DSCAML1: variants seen among roughly 807,000 people sequenced by gnomAD.
DSCAML1 encodes the protein cell adhesion molecule DSCAML1.
Under a neutral mutation model 200.5 loss-of-function variants are expected in DSCAML1, and 38 were observed. That is an observed-to-expected ratio of 0.19 (90% CI 0.15 to 0.25). The LOEUF is 0.25. Among genes scored for constraint, DSCAML1 ranks in the 10% least tolerant of loss-of-function variants. DSCAML1 has a pLI of 1.00. For missense variants in DSCAML1, 2,223 were observed against 2,858.8 expected, an observed-to-expected ratio of 0.78 and a Z score of 5.07; for synonymous variants, 1,215 against 1,165.0, an observed-to-expected ratio of 1.04 and a Z score of -0.87.
Position 117,566,333 on chromosome 11 carries a change from C to T in DSCAML1, c.512-33811G>A, listed in dbSNP as rs1161650909. Among the ~76,000 whole-genome samples the T allele has an allele frequency of 3.5e-5, 5 of 143,152 alleles. No individual in the cohort carries two copies. In the East Asian group the frequency reaches 1.0e-3, roughly 29 times the overall value. The allele number at this position is 143,152 out of a possible 152,430, so 93.9% of individuals were successfully genotyped here. A position where few individuals can be genotyped will look rare whatever the true frequency, so the allele number is the denominator to read the frequency against. On this transcript the variant is annotated intron_variant, in intron 3 of 32. Transcript: ENST00000651296. ...TCTTTCTGTCTCTCTTTCTCCCTTT[C>T]TTTTCTTTCTCTCTCTCTCTCTCTT... is the stretch of plus-strand genomic sequence containing the variant.
intron 1 of DSCAML1, among the ~76,000 whole-genome samples, chr11:117,791,156 C>T (rs2055458719): frequency 6.6e-6 from 1 of 152,132 alleles, no homozygotes; most frequent in Non-Finnish European, 1.5e-5. Flanking sequence ...CTGTGGAGCC[C>T]ACAGCCTCCC....
rs760997576 is a variant in DSCAML1 at position 117,693,407 on chromosome 11, T to C, written c.511+83384A>G. On this transcript the variant is annotated intron_variant, in intron 3 of 32. Coordinates refer to ENST00000651296, the MANE Select transcript of DSCAML1 (RefSeq NM_020693.4). ...GCTCTCCCTTCTGCATTCTGTGTCA[T>C]TCATCTATTTGAAAAACATGCCTTC... Among the ~76,000 whole-genome samples the C allele has an allele frequency of 1.1e-3, 162 of 152,352 alleles. No homozygotes were observed. The Middle Eastern group carries it at 0.014, about 13-fold the overall frequency.
intron 3 of DSCAML1, among the ~76,000 whole-genome samples, chr11:117,771,839 C>T (rs2055044742): frequency 6.6e-6 from 1 of 152,108 alleles, no homozygotes; most frequent in Non-Finnish European, 1.5e-5. Flanking sequence ...AAATGCCTAA[C>T]CCAAAAGAGG....
intron 3 of DSCAML1, among the ~76,000 whole-genome samples, chr11:117,584,802 A>G (rs2051111134): frequency 6.6e-6 from 1 of 152,228 alleles, no homozygotes; most frequent in Non-Finnish European, 1.5e-5. Flanking sequence ...ATATAGTGGC[A>G]TAGAGCATGG....
intron 3 of DSCAML1, among the ~76,000 whole-genome samples, chr11:117,645,195 A>G (rs1458312376): frequency 6.6e-6 from 1 of 152,180 alleles, no homozygotes; most frequent in African/African-American, 2.4e-5. Flanking sequence ...CACAGCCCCA[A>G]AGGATCTCAG....
chr11:117,595,448 T>C (rs1344213025), intron 3 of DSCAML1, among the ~76,000 whole-genome samples: 1 of 152,242 alleles, frequency 6.6e-6, no homozygotes, highest in Non-Finnish European at 1.5e-5. Context: ...TATGCAGTTT[T>C]ATATGCTTTT....
At chr11:117,772,441 A>G (rs1424064151) in intron 3 of DSCAML1, among the ~76,000 whole-genome samples, 1 of 152,212 alleles carries the variant, frequency 6.6e-6, no homozygotes, top group African/African-American at 2.4e-5. Flanking sequence ...AGGCACGGTG[A>G]CAACTCAGTA....
At chr11:117,436,022 A>C (rs2305823) in intron 26 of DSCAML1, among the ~76,000 whole-genome samples, 57,419 of 152,080 alleles carry the variant, frequency 0.38, 11,424 homozygotes, top group African/African-American at 0.5. Flanking sequence ...TTATTAACAA[A>C]GTCCTGGTAC....
At chr11:117,674,113 G>C (rs2053163820) in intron 3 of DSCAML1, among the ~76,000 whole-genome samples, 1 of 152,186 alleles carries the variant, frequency 6.6e-6, no homozygotes, top group Non-Finnish European at 1.5e-5. Flanking sequence ...TATATCCAAA[G>C]CAACTTACGT....
chr11:117,564,466 G>T (rs2137422214), intron 3 of DSCAML1, among the ~76,000 whole-genome samples: 1 of 152,258 alleles, frequency 6.6e-6, no homozygotes, highest in East Asian at 1.9e-4. Flanking sequence ...GGCCTTGCAG[G>T]TCCCGGCGAT....
At chr11:117,556,240 C>T (rs1220140979) in intron 3 of DSCAML1, among the ~76,000 whole-genome samples, 1 of 152,118 alleles carries the variant, frequency 6.6e-6, no homozygotes, top group African/African-American at 2.4e-5. Context: ...GGGACATCCT[C>T]AGTTCTGGCT....
chr11:117,744,909 C>T (rs2054489857), intron 3 of DSCAML1, among the ~76,000 whole-genome samples: 1 of 152,258 alleles, frequency 6.6e-6, no homozygotes. Flanking sequence ...ATGCCAGGGC[C>T]TGTCTCACCC....
At chr11:117,465,544 C>A (rs987300399) in intron 16 of DSCAML1, among the ~76,000 whole-genome samples, 2 of 152,200 alleles carry the variant, frequency 1.3e-5, no homozygotes, top group African/African-American at 4.8e-5. Flanking sequence ...CTCTCTCTGG[C>A]ACTCCTTATT....
At chr11:117,443,180 G>A (rs1156872473) in intron 21 of DSCAML1, among the ~76,000 whole-genome samples, 1 of 152,226 alleles carries the variant, frequency 6.6e-6, no homozygotes, top group Admixed American at 6.5e-5. Context: ...GCGGTCCTGG[G>A]CTAGTTGTGG....
intron 3 of DSCAML1, among the ~76,000 whole-genome samples, chr11:117,722,073 A>G (rs1239500965): frequency 6.6e-6 from 1 of 152,136 alleles, no homozygotes; most frequent in Non-Finnish European, 1.5e-5. Context: ...CAAGTGGAGA[A>G]TAGCACAATG....
At chr11:117,608,871 T>TATGCATTTTTAA (rs60853404) in intron 3 of DSCAML1, among the ~76,000 whole-genome samples, 1 of 152,104 alleles carries the variant, frequency 6.6e-6, no homozygotes, top group Non-Finnish European at 1.5e-5. Context: ...CATTGAGCAT[T>TATGCATTTTTAA]ATATCTGCCA....
chr11:117,593,071 G>A lies in DSCAML1; in HGVS notation c.512-60549C>T, dbSNP rs79720174. 4.6e-5 allele frequency among the ~76,000 whole-genome samples: 7 copies of A among 152,334 alleles called. No individual in the cohort carries two copies. In the East Asian group the frequency reaches 1.4e-3, roughly 29 times the overall value. ...ATCTGGCACAGTTCCTGGCACTTAC[G>A]GGGCACTAAACAAGAGGCTGTCCCT... On this transcript the variant is annotated intron_variant, in intron 3 of 32. Coordinates refer to ENST00000651296, the MANE Select transcript of DSCAML1 (RefSeq NM_020693.4).
At chr11:117,433,352 T>C (rs1372512600) in intron 28 of DSCAML1, 89 bp downstream of exon 28, 4 of 1,580,092 alleles carry the variant, frequency 2.5e-6, no homozygotes, top group Non-Finnish European at 3.4e-6. Context: ...GCCTGCCTCC[T>C]ATTCTGGGAG....
chr11:117,609,476 T>TA (rs2051644492), intron 3 of DSCAML1, among the ~76,000 whole-genome samples: 1 of 151,880 alleles, frequency 6.6e-6, no homozygotes, highest in Admixed American at 6.6e-5. Context: ...CCTGGCTAAT[T>TA]AAAAAAACAT....
Sources: allele counts gnomAD v4.1 joint callset (sites outside exome capture counted in the v4.1 genomes callset), GRCh38; gene constraint gnomAD v4.1.1; transcripts MANE v1.5; gene names NCBI Gene and HGNC (gene_info 2026-07-23, HGNC 2026-07-21).